SUPT20H: variants seen among roughly 807,000 people sequenced by gnomAD.
SUPT20H encodes the protein SPT20 homolog, SAGA complex component.
SUPT20H carries 82 observed loss-of-function variants against 122.8 expected under a neutral mutation model. That is an observed-to-expected ratio of 0.67 (90% CI 0.56 to 0.80). SUPT20H has a LOEUF of 0.80. SUPT20H is among the 30% of genes least tolerant of loss of function. SUPT20H has a pLI of 0.00. For synonymous variants in SUPT20H, 291 were observed against 313.0 expected, an observed-to-expected ratio of 0.93 and a Z score of 0.74; for missense variants, 831 against 921.6, an observed-to-expected ratio of 0.90 and a Z score of 1.27.
At chr13:37,030,250 AG>A (rs1344820243) in intron 12 of SUPT20H, among the ~76,000 whole-genome samples, 2 of 152,178 alleles carry the variant, frequency 1.3e-5, no homozygotes, top group Non-Finnish European at 2.9e-5. Flanking sequence ...GACAAAACTG[AG>A]GGAGACTAGG....
chr13:37,025,066 C>T (rs531789518), intron 17 of SUPT20H: 20 of 368,950 alleles, frequency 5.4e-5, no homozygotes, highest in South Asian at 3.0e-4. Flanking sequence ...CTCAGCCTCC[C>T]GAGTGGCTGG....
intron 25 of SUPT20H, among the ~76,000 whole-genome samples, chr13:37,010,294 T>A (rs922199628): frequency 3.3e-5 from 5 of 152,244 alleles, no homozygotes; most frequent in Admixed American, 3.3e-4. Context: ...CAAAATATAC[T>A]GCATACTAGA....
At chr13:37,018,860 GCTGGTCTCGAACTC>G (rs1304661692) in intron 22 of SUPT20H, among the ~76,000 whole-genome samples, 2 of 152,062 alleles carry the variant, frequency 1.3e-5, no homozygotes, top group African/African-American at 4.8e-5. Context: ...TATTGCTCAG[GCTGGTCTCGAACTC>G]CTGAGCTCAA....
chr13:37,036,904 CAT>C (rs753208811), intron 9 of SUPT20H, among the ~76,000 whole-genome samples: 17 of 152,018 alleles, frequency 1.1e-4, no homozygotes, highest in Non-Finnish European at 1.9e-4. Context: ...ATACAAAATA[CAT>C]GTTAATCGCC....
chr13:37,026,920 GA>G, intron 14 of SUPT20H, 104 bp from the exon 15 acceptor site: 1 of 708,866 alleles, frequency 1.4e-6, no homozygotes, highest in Non-Finnish European at 2.1e-6. Flanking sequence ...ATGACTGGAA[GA>G]TAATAAATCA....
chr13:37,018,146 TG>T (rs1555267973), intron 22 of SUPT20H, among the ~76,000 whole-genome samples: 2 of 152,096 alleles, frequency 1.3e-5, no homozygotes, highest in Non-Finnish European at 2.9e-5. Flanking sequence ...AAAAAATCCT[TG>T]GGTCAAAGTA....
intron 9 of SUPT20H, among the ~76,000 whole-genome samples, chr13:37,035,078 T>C (rs1194746395): frequency 6.6e-6 from 1 of 152,200 alleles, no homozygotes; most frequent in Non-Finnish European, 1.5e-5. Context: ...TACAAGGGGA[T>C]TAATGTTTTC....
intron 1 of SUPT20H, among the ~76,000 whole-genome samples, chr13:37,056,372 C>T (rs1413835567): frequency 6.6e-6 from 1 of 152,174 alleles, no homozygotes; most frequent in Non-Finnish European, 1.5e-5. Flanking sequence ...ACCCAAATGT[C>T]CAACAATGAT....
chr13:37,057,211 C>T (rs1020693398), intron 1 of SUPT20H: 3 of 151,742 alleles, frequency 2.0e-5, no homozygotes, highest in Non-Finnish European at 4.4e-5. Flanking sequence ...AGGAGGATCA[C>T]TTAAGCTTGG....
intron 1 of SUPT20H, among the ~76,000 whole-genome samples, chr13:37,052,203 A>C (rs965264046): frequency 6.6e-6 from 1 of 152,212 alleles, no homozygotes; most frequent in African/African-American, 2.4e-5. Flanking sequence ...TGTGGAACCA[A>C]AAAAGAGCCT....
chr13:37,040,825 T>C (rs1272305845), intron 7 of SUPT20H, 133 bp from the exon 8 acceptor site: 3 of 639,742 alleles, frequency 4.7e-6, no homozygotes, highest in Non-Finnish European at 8.3e-6. Context: ...CTTCAGTAGA[T>C]TTCCTTGGTA....
At chr13:37,029,876 C>A in intron 12 of SUPT20H, 40 bp from the exon 13 acceptor site, 2 of 1,465,780 alleles carry the variant, frequency 1.4e-6, no homozygotes, top group Non-Finnish European at 1.9e-6. Context: ...AAAATAGAAT[C>A]CATATCAGAT....
At position 37,033,457 on chromosome 13, in the gene SUPT20H, T is replaced by C. The variant is rs761573416; in HGVS notation, c.699A>G (p.Pro233=). 6.2e-7 allele frequency: 1 copy of C among 1,609,626 alleles called. No individual in the cohort carries two copies. The highest frequency in any genetic ancestry group is 2.2e-5 in the East Asian group (1 of 44,666). The change falls in exon 10 of 26, where the codon CCA becomes CCG. Residue 233 remains proline, a synonymous_variant. Coordinates refer to ENST00000350612, the MANE Select transcript of SUPT20H (RefSeq NM_001014286.3). ...LYNKQKMNTR[P]MKRCFKRYSR... is the part of the protein sequence containing the mutation. ...TCCACAAAGGCAATTACCGTTTCAT[T>C]GGGCGAGTGTTCATCTTTTGCTTGT...
intron 13 of SUPT20H, 137 bp downstream of exon 13, chr13:37,029,627 TA>T: frequency 1.6e-6 from 1 of 634,446 alleles, no homozygotes. Flanking sequence ...CTTCTTGTAA[TA>T]AACTGAACTC....
chr13:37,016,047 T>C (rs951480957), intron 23 of SUPT20H, among the ~76,000 whole-genome samples: 1 of 152,214 alleles, frequency 6.6e-6, no homozygotes, highest in Non-Finnish European at 1.5e-5. Context: ...GTTTCAGTTT[T>C]GCAAGATGAA....
chr13:37,051,475 A>T lies in SUPT20H; in HGVS notation c.3+13T>A. 6.2e-7 allele frequency: 1 copy of T among 1,610,280 alleles called. No homozygotes were observed. The highest frequency in any genetic ancestry group is 8.5e-7 in the Non-Finnish European group (1 of 1,177,332). On this transcript the variant is annotated intron_variant, in intron 2 of 25. Coordinates refer to ENST00000350612, the MANE Select transcript of SUPT20H (RefSeq NM_001014286.3). ...CTAAAACACAAATTTGAACATACTG[A>T]GCTGAAGCTTACCATTATGGCATAA...
At chr13:37,013,986 A>T (rs976916036) in intron 23 of SUPT20H, 2 of 152,128 alleles carry the variant, frequency 1.3e-5, no homozygotes, top group African/African-American at 4.8e-5. Flanking sequence ...AACCTAATGT[A>T]GACTATAAGC....
rs757488251 is a variant in SUPT20H, at chr13:37,033,615, T to C, written c.568-27A>G. On this transcript the variant is annotated intron_variant, in intron 9 of 25. Coordinates refer to ENST00000350612, the MANE Select transcript of SUPT20H (RefSeq NM_001014286.3). ...TGAAATGTGTAAGAGCATATGTCAATACCAGATTTAAGATTTTCAAATATG... is the reference window on the plus strand; with the variant it reads ...TGAAATGTGTAAGAGCATATGTCAACACCAGATTTAAGATTTTCAAATATG... 21 of 1,602,752 alleles carry C rather than the reference T, an allele frequency of 1.3e-5. 1 individual carries two copies. In the South Asian group the frequency reaches 2.4e-4, roughly 18 times the overall value.
intron 9 of SUPT20H, among the ~76,000 whole-genome samples, chr13:37,034,558 G>C (rs1282879637): frequency 1.3e-5 from 2 of 152,212 alleles, no homozygotes; most frequent in Admixed American, 6.5e-5. Context: ...TGAGGGTTAA[G>C]AGTAGAAGCT....
Sources: allele counts gnomAD v4.1 joint callset (sites outside exome capture counted in the v4.1 genomes callset), GRCh38; gene constraint gnomAD v4.1.1; transcripts MANE v1.5; gene names NCBI Gene and HGNC (gene_info 2026-07-23, HGNC 2026-07-21).